PES1: variants seen among roughly 807,000 people sequenced by gnomAD.
The protein encoded by PES1 is pescadillo ribosomal biogenesis factor 1.
Under a neutral mutation model 77.1 loss-of-function variants are expected in PES1, and 31 were observed. That is an observed-to-expected ratio of 0.40 (90% confidence interval 0.30 to 0.54). PES1 has a LOEUF of 0.54. Ranked by LOEUF, PES1 falls within the 20% of genes least tolerant of loss-of-function variation. The pLI, the probability that PES1 is intolerant of heterozygous loss-of-function variation, is 0.45. For missense variants in PES1, 658 were observed against 771.7 expected, an observed-to-expected ratio of 0.85 and a Z score of 1.75; for synonymous variants, 282 against 303.0, an observed-to-expected ratio of 0.93 and a Z score of 0.72.
intron 2 of PES1, among the ~76,000 whole-genome samples, chr22:30,603,385 G>GT (rs905295534): frequency 1.3e-5 from 2 of 151,108 alleles, no homozygotes; most frequent in African/African-American, 4.9e-5. Flanking sequence ...TTTGTTTTTT[G>GT]TTTTTTGTTT....
At chr22:30,595,417 AG>A (rs1431754312), upstream of PES1, among the ~76,000 whole-genome samples, 1 of 151,144 alleles carries the variant, frequency 6.6e-6, no homozygotes, top group Non-Finnish European at 1.5e-5. Context: ...GCTTGCCTGT[AG>A]TCCCAGCTAC....
chr22:30,600,175 CAT>C (rs1167214483), intron 2 of PES1, among the ~76,000 whole-genome samples: 2 of 151,418 alleles, frequency 1.3e-5, no homozygotes, highest in Non-Finnish European at 2.9e-5. Flanking sequence ...TCTACTAAAA[CAT>C]AAAAAAATTA....
chr22:30,581,574 A>G lies in PES1; in HGVS notation c.701T>C (p.Val234Ala). ...TEFYTTLLGFVNFRLYQLLNL... is the reference protein window; with the variant it reads ...TEFYTTLLGFANFRLYQLLNL... ...GAGCAACTGGTAAAGGCGGAAGTTG[A>G]CAAAGCCCAGCAGCGTGGTGTAGAA... is the stretch of plus-strand genomic sequence containing the variant. Residue 234 changes from valine to alanine, a missense_variant, in exon 7 of 15, where the codon GTC (valine) becomes GCC (alanine). Physicochemically the swap from Val to Ala is moderately conservative, Grantham distance 64 (BLOSUM62 0). Coordinates refer to ENST00000354694, the MANE Select transcript of PES1 (RefSeq NM_014303.4). The G allele has an allele frequency of 6.2e-7, 1 of 1,613,898 alleles. No individual in the cohort carries two copies. Among genetic ancestry groups the G allele is most frequent in the Non-Finnish European group, 8.5e-7 (1 of 1,179,992 alleles).
At position 30,586,179 on chromosome 22, in the gene PES1, G is replaced by A. The variant is rs993746726; in HGVS notation, c.368+1107C>T. On this transcript the variant is annotated intron_variant, in intron 4 of 14. Coordinates refer to ENST00000354694, the MANE Select transcript of PES1 (RefSeq NM_014303.4). ...GTATGAATCCAGGCACTTGCTTTTC[G>A]TGTGTGGCTTTTTTTCATTTATTTC... Among the ~76,000 whole-genome samples the A allele has an allele frequency of 1.6e-4, 25 of 152,206 alleles. 4 individuals are homozygous for A. The highest frequency in any genetic ancestry group is 1.4e-3 in the Admixed American group (21 of 15,284).
chr22:30,593,124 G>GT (rs1602023223), upstream of PES1, among the ~76,000 whole-genome samples: 1 of 152,276 alleles, frequency 6.6e-6, no homozygotes, highest in African/African-American at 2.4e-5. Context: ...GTGAATACTT[G>GT]TTTTGAACTA....
At chr22:30,586,088 C>G (rs531759778) in intron 4 of PES1, among the ~76,000 whole-genome samples, 3 of 152,368 alleles carry the variant, frequency 2.0e-5, no homozygotes, top group African/African-American at 4.8e-5. Context: ...AGCTCTGGCT[C>G]TAGCTAAGGA....
At chr22:30,603,782 A>G (rs1026675347) in intron 2 of PES1, 41 of 152,226 alleles carry the variant, frequency 2.7e-4, no homozygotes, top group African/African-American at 9.9e-4. Flanking sequence ...TTCTCATGCC[A>G]TCTTCATGCA....
chr22:30,603,108 G>A (rs931605656), intron 2 of PES1, among the ~76,000 whole-genome samples: 3 of 151,588 alleles, frequency 2.0e-5, no homozygotes, highest in Non-Finnish European at 4.4e-5. Context: ...ACTGGGTTTC[G>A]CCACGTTGGT....
chr22:30,599,467 TCTTCCG>T (rs2087320621), intron 2 of PES1, among the ~76,000 whole-genome samples: 5 of 152,160 alleles, frequency 3.3e-5, no homozygotes, highest in African/African-American at 1.2e-4. Context: ...AACAGCGAAA[TCTTCCG>T]AGTTATCAAC....
At chr22:30,592,329 G>A, upstream of PES1, 1 of 990,312 alleles carries the variant, frequency 1.0e-6, no homozygotes, top group South Asian at 4.6e-5. Flanking sequence ...CGGTTCCCGA[G>A]GGGCAGGGTG....
intron 12 of PES1, 46 bp downstream of exon 12, chr22:30,579,705 A>C: frequency 6.4e-7 from 1 of 1,573,626 alleles, no homozygotes; most frequent in Non-Finnish European, 8.7e-7. Context: ...GGAAACAGCC[A>C]GCGTGGGCCC....
intron 2 of PES1, among the ~76,000 whole-genome samples, chr22:30,603,358 C>T (rs548225077): frequency 1.3e-5 from 2 of 151,804 alleles, no homozygotes; most frequent in South Asian, 4.2e-4. Flanking sequence ...TCCTCCTTTT[C>T]TTTCTTTCTG....
intron 2 of PES1, among the ~76,000 whole-genome samples, chr22:30,603,613 C>A (rs2087392410): frequency 1.3e-5 from 2 of 152,090 alleles, no homozygotes; most frequent in Non-Finnish European, 2.9e-5. Context: ...AACTCCTGAC[C>A]TCAGGTGATC....
intron 14 of PES1, 84 bp downstream of exon 14, chr22:30,578,752 AG>A (rs1243597003): frequency 7.0e-7 from 1 of 1,432,372 alleles, no homozygotes. Context: ...GTCTGCCTAG[AG>A]GAGGGCCCCA....
At chr22:30,597,985 G>A (rs1293323281) in intron 2 of PES1, among the ~76,000 whole-genome samples, 1 of 147,302 alleles carries the variant, frequency 6.8e-6, no homozygotes, top group Non-Finnish European at 1.5e-5. Context: ...CCGGGTTCAC[G>A]CCATTCTCCT....
intron 1 of PES1, 63 bp from the exon 2 acceptor site, chr22:30,589,333 G>C (rs532331867): frequency 7.5e-7 from 1 of 1,329,650 alleles, no homozygotes; most frequent in African/African-American, 1.4e-5. Context: ...TCAAACTCTG[G>C]GCATGCCTAG....
intron 2 of PES1, among the ~76,000 whole-genome samples, chr22:30,602,977 C>A (rs1038504341): frequency 1.1e-4 from 17 of 152,044 alleles, no homozygotes; most frequent in African/African-American, 4.1e-4. Flanking sequence ...GTGGCGTAAT[C>A]TTGGCTCACT....
chr22:30,587,239 A>G, intron 4 of PES1, 47 bp downstream of exon 4: 1 of 1,286,126 alleles, frequency 7.8e-7, no homozygotes, highest in Non-Finnish European at 1.1e-6. Context: ...GGCAGAGACC[A>G]GCAGTAAATG....
rs737953 is a variant in PES1 at position 30,591,874 on chromosome 22, G to A, written c.-41C>T. ...AGCCGACTAGGGCCGCGCGTACAGGGAGCTCCACTTCCTCCCGCACGTGCC... is the reference window on the plus strand; with the variant it reads ...AGCCGACTAGGGCCGCGCGTACAGGAAGCTCCACTTCCTCCCGCACGTGCC... On this transcript the variant is annotated 5_prime_UTR_variant, in exon 1 of 15. Transcript: ENST00000354694. The A allele has an allele frequency of 9.5e-5, 146 of 1,542,336 alleles. No homozygotes were observed. The African/African-American group carries it at 1.8e-3, about 19-fold the overall frequency.
Sources: allele counts gnomAD v4.1 joint callset (sites outside exome capture counted in the v4.1 genomes callset), GRCh38; gene constraint gnomAD v4.1.1; transcripts MANE v1.5; gene names NCBI Gene and HGNC (gene_info 2026-07-23, HGNC 2026-07-21).